The following AP2A1 variants were observed in gnomAD, a reference collection of about 807,000 sequenced individuals.
AP2A1 encodes the protein adaptor related protein complex 2 subunit alpha 1.
Under a neutral mutation model 107.3 loss-of-function variants are expected in AP2A1, and 21 were observed. The ratio of observed to expected loss-of-function variants is 0.20; its 90% CI spans 0.14 to 0.28. The LOEUF (loss-of-function observed/expected upper bound fraction) is 0.28. Ranked by LOEUF, AP2A1 falls within the 10% of genes least tolerant of loss-of-function variation. The probability of loss-of-function intolerance (pLI) is 1.00; values close to 1 mark genes in which losing one functional copy is unlikely to be tolerated. For missense variants in AP2A1, 873 were observed against 1,307.7 expected, an observed-to-expected ratio of 0.67 and a Z score of 5.13; for synonymous variants, 602 against 564.8, an observed-to-expected ratio of 1.07 and a Z score of -0.93.
chr19:49,777,698 G>A (rs1048892407), intron 1 of AP2A1, among the ~76,000 whole-genome samples: 18 of 151,746 alleles, frequency 1.2e-4, no homozygotes, highest in Admixed American at 2.0e-4. Context: ...CCAGCACTTC[G>A]GGAGGCTGAG....
chr19:49,776,144 ACT>A (rs1371758210), intron 1 of AP2A1, among the ~76,000 whole-genome samples: 1 of 150,858 alleles, frequency 6.6e-6, no homozygotes, highest in Non-Finnish European at 1.5e-5. Flanking sequence ...ACCTCAGAAA[ACT>A]CTGGAGAGGC....
intron 11 of AP2A1, 102 bp downstream of exon 11, chr19:49,800,252 T>C: frequency 7.3e-7 from 1 of 1,374,996 alleles, no homozygotes; most frequent in Non-Finnish European, 9.9e-7. Context: ...GCCACCCTCC[T>C]TCTCCTGCAC....
In AP2A1 at chr19:49,805,537, G is replaced by A. The variant is rs2123767771; in HGVS notation, c.2429G>A (p.Arg810Gln). 1 of 1,576,554 alleles carries A rather than the reference G, an allele frequency of 6.3e-7. No homozygotes were observed. Among genetic ancestry groups the A allele is most frequent in the East Asian group, 2.3e-5 (1 of 42,738 alleles). The change falls in exon 19 of 23, where the codon CGG becomes CAG. Residue 810 changes from arginine to glutamine, a missense_variant. Arg to Gln is a conservative substitution (Grantham distance 43). Around this residue, in one of 4 missense-constraint regions of AP2A1, gnomAD observed 416 missense variants for 473.4 expected, o/e 0.88. Transcript: ENST00000354293. The part of the protein sequence containing the change: ...VQQVLNIECL[R>Q]DFLTPPLLSV... ...CAGGTGCTCAATATCGAGTGCCTGC[G>A]GGACTTCCTGACGCCCCCGCTGCTG...
intron 15 of AP2A1, chr19:49,802,694 C>A: frequency 8.0e-7 from 1 of 1,256,014 alleles, no homozygotes; most frequent in South Asian, 1.5e-5. Flanking sequence ...TCAACGGGTT[C>A]CTGATGAGCA....
chr19:49,793,220 T>C, intron 6 of AP2A1, 128 bp downstream of exon 6: 1 of 920,942 alleles, frequency 1.1e-6, no homozygotes, highest in Non-Finnish European at 1.6e-6. Flanking sequence ...GGCTCTGAGC[T>C]GGATTCATCC....
intron 7 of AP2A1, among the ~76,000 whole-genome samples, 170 bp downstream of exon 7, chr19:49,795,908 C>T (rs956301652): frequency 1.3e-5 from 2 of 152,176 alleles, no homozygotes; most frequent in Admixed American, 6.5e-5. Context: ...GGCAAGCAGG[C>T]AGCCCGAGGC....
chr19:49,770,645 A>G (rs2123658645), intron 1 of AP2A1, among the ~76,000 whole-genome samples: 2 of 152,368 alleles, frequency 1.3e-5, no homozygotes, highest in Admixed American at 1.3e-4. Context: ...GCCTTAAAAA[A>G]TAATGACGTC....
At position 49,770,017 on chromosome 19, in the gene AP2A1, C is replaced by T. The variant is rs377686963; in HGVS notation, c.67+2817C>T. Among the ~76,000 whole-genome samples the T allele has an allele frequency of 5.1e-3, 770 of 152,206 alleles. 8 individuals are homozygous for T. The highest frequency in any genetic ancestry group is 0.018 in the African/African-American group (731 of 41,502). On this transcript the variant is annotated intron_variant, in intron 1 of 22. Coordinates refer to ENST00000354293, the MANE Select transcript of AP2A1 (RefSeq NM_130787.3). ...CCCGGTAGCTGGGATTACAGGCACCCGCCACCACGCTTGGCTAATTTTTGT... is the reference window on the plus strand; with the variant it reads ...CCCGGTAGCTGGGATTACAGGCACCTGCCACCACGCTTGGCTAATTTTTGT...
intron 1 of AP2A1, among the ~76,000 whole-genome samples, chr19:49,776,388 G>C (rs999295925): frequency 6.6e-6 from 1 of 152,110 alleles, no homozygotes; most frequent in Admixed American, 6.6e-5. Flanking sequence ...TGTGTGCAGA[G>C]AAGCCTTCCC....
At position 49,786,054 on chromosome 19, in the gene AP2A1, C is replaced by T. The variant is rs111937605; in HGVS notation, c.473+3330C>T. Among the ~76,000 whole-genome samples, 567 of 151,978 alleles carry T rather than the reference C, an allele frequency of 3.7e-3. 4 individuals carry two copies. The highest frequency in any genetic ancestry group is 0.013 in the African/African-American group (534 of 41,430). On this transcript the variant is annotated intron_variant, in intron 4 of 22. Transcript: ENST00000354293. Reference sequence around the variant, plus strand: ...GAGATTGCACCACTGCACTCCAGCCCGAGTGACAGAGTGAGACTCCATCTT... The same window carrying T: ...GAGATTGCACCACTGCACTCCAGCCTGAGTGACAGAGTGAGACTCCATCTT...
In AP2A1 at chr19:49,788,810, G is replaced by T. The variant is rs2073106670; in HGVS notation, c.474-3125G>T. ...CGTCACAAATGGAGCATCGTCTGTG[G>T]CCAGGCTTCTTGCTGGTTTCTGGTT... is the stretch of plus-strand genomic sequence containing the variant. On this transcript the variant is annotated intron_variant, in intron 4 of 22. Transcript: ENST00000354293. This position sits in a 1 kb window ranked among gnomAD's most constrained non-coding sequence, Gnocchi z 4.5. Among the ~76,000 whole-genome samples, 1 of 152,210 alleles carries T rather than the reference G, an allele frequency of 6.6e-6. No homozygotes were observed. Among genetic ancestry groups the T allele is most frequent in the South Asian group, 2.1e-4 (1 of 4,836 alleles).
Position 49,805,592 on chromosome 19 carries a change from CGCGGCCG to C in AP2A1, c.2468+18_2468+24del. On this transcript the variant is annotated intron_variant, in intron 19 of 22. Transcript: ENST00000354293. ...TGCGCTTCCGGTGAGTCAGGTACGG[CGCGGCCG>C]GTGGGCGGAGCCTCCGGGGTGAGGG... 1 of 1,564,636 alleles carries C rather than the reference CGCGGCCG, an allele frequency of 6.4e-7. No individual in the cohort carries two copies. Among genetic ancestry groups the C allele is most frequent in the Non-Finnish European group, 8.7e-7 (1 of 1,154,462 alleles).
chr19:49,788,747 C>T lies in AP2A1; in HGVS notation c.474-3188C>T, dbSNP rs1317398133. 1.3e-5 allele frequency among the ~76,000 whole-genome samples: 2 copies of T among 152,010 alleles called. No individual in the cohort carries two copies. Among genetic ancestry groups the T allele is most frequent in the African/African-American group, 4.8e-5 (2 of 41,368 alleles). The stretch of plus-strand genomic sequence containing the variant: ...ATGGGAAAGTGGCCTGGAGTCAGGG[C>T]TCGGGAGATGTGCGCTGTGACGGAG... On this transcript the variant is annotated intron_variant, in intron 4 of 22. Transcript: ENST00000354293. This position sits in a 1 kb window ranked among gnomAD's most constrained non-coding sequence, Gnocchi z 4.5.
In AP2A1 at chr19:49,767,053, C is replaced by G. The variant is rs1438114475; in HGVS notation, c.-81C>G. On this transcript the variant is annotated 5_prime_UTR_variant, in exon 1 of 23. Coordinates refer to ENST00000354293, the MANE Select transcript of AP2A1 (RefSeq NM_130787.3). ...CGGCTCCTTGGCGCTGCCTGGGGTCCTTTCCGCCCGGTCCCCGCTTGCCAG... is the reference window on the plus strand; with the variant it reads ...CGGCTCCTTGGCGCTGCCTGGGGTCGTTTCCGCCCGGTCCCCGCTTGCCAG... 7 of 1,467,480 alleles carry G rather than the reference C, an allele frequency of 4.8e-6. No homozygotes were observed. The highest frequency in any genetic ancestry group is 4.5e-6 in the Non-Finnish European group (5 of 1,102,376). 90.9% of individuals were successfully genotyped at this position (1,467,480 alleles called of 1,614,324 possible). A position where few individuals can be genotyped will look rare whatever the true frequency, so the allele number is the denominator to read the frequency against.
rs2073271003 is a variant in AP2A1, at chr19:49,800,948, C to G, written c.1456-13C>G. 6.3e-7 allele frequency: 1 copy of G among 1,584,442 alleles called. No individual in the cohort carries two copies. The highest frequency in any genetic ancestry group is 8.6e-7 in the Non-Finnish European group (1 of 1,164,938). On this transcript the variant is annotated splice_polypyrimidine_tract_variant and intron_variant, in intron 11 of 22. Transcript: ENST00000354293. Reference sequence around the variant, plus strand: ...ATTGTTGTCCTCTCCACGCCCTTCCCCACCCCACTCAGGCGCTCCAGGCCC... The same window carrying G: ...ATTGTTGTCCTCTCCACGCCCTTCCGCACCCCACTCAGGCGCTCCAGGCCC...
At chr19:49,787,110 G>A (rs1024286793) in intron 4 of AP2A1, among the ~76,000 whole-genome samples, 3 of 151,576 alleles carry the variant, frequency 2.0e-5, no homozygotes, top group Admixed American at 6.6e-5. Flanking sequence ...GGGCTGAAGC[G>A]ATCTTCCCAC....
chr19:49,779,541 A>G (rs1445179464), intron 1 of AP2A1, among the ~76,000 whole-genome samples: 2 of 151,126 alleles, frequency 1.3e-5, no homozygotes, highest in African/African-American at 2.4e-5. Flanking sequence ...TTTTAATAAT[A>G]TGTCTCTATA....
At chr19:49,800,217 G>GGGCC in intron 11 of AP2A1, 67 bp downstream of exon 11, 1 of 1,502,032 alleles carries the variant, frequency 6.7e-7, no homozygotes, top group Non-Finnish European at 9.0e-7. Flanking sequence ...AGGATGGCCG[G>GGGCC]GGCCGTGGCG....
chr19:49,799,212 C>A, intron 8 of AP2A1, 115 bp from the exon 9 acceptor site: 1 of 1,313,820 alleles, frequency 7.6e-7, no homozygotes, highest in Non-Finnish European at 1.0e-6. Flanking sequence ...GCAAGGCCGG[C>A]AAGGTTAAGA....
Sources: gnomAD v4.1 joint callset for allele counts (sites outside exome capture counted in the v4.1 genomes callset) on GRCh38, gnomAD v4.1.1 for gene constraint, gnomAD v4.1.1 regional missense constraint, Gnocchi (gnomAD v3.1) non-coding constraint, MANE v1.5 for transcripts, NCBI Gene and HGNC (gene_info 2026-07-23, HGNC 2026-07-21) for gene names.